MS4A13: variants seen among roughly 807,000 people sequenced by gnomAD.
The protein encoded by MS4A13 is membrane-spanning 4-domains subfamily A member 13.
MS4A13 carries 21 observed loss-of-function variants against 18.4 expected under a neutral mutation model. The ratio of observed to expected loss-of-function variants is 1.14; its 90% CI spans 0.81 to 1.64. The LOEUF is 1.64. Ranked by LOEUF, MS4A13 falls within the 40% of genes most tolerant of loss-of-function variation. The pLI is 0.00. For missense variants in MS4A13, 173 were observed against 176.8 expected, an observed-to-expected ratio of 0.98 and a Z score of 0.12; for synonymous variants, 62 against 57.2, an observed-to-expected ratio of 1.08 and a Z score of -0.38.
intron 5 of MS4A13, 26 bp downstream of exon 5, chr11:60,525,352 T>C (rs549485365): frequency 1.4e-6 from 2 of 1,460,984 alleles, no homozygotes; most frequent in African/African-American, 1.5e-5. Context: ...TATGGGAACA[T>C]ATTAATTTTA....
At chr11:60,538,674 T>C (rs2135271680) in intron 6 of MS4A13, among the ~76,000 whole-genome samples, 1 of 151,390 alleles carries the variant, frequency 6.6e-6, no homozygotes, top group Non-Finnish European at 1.5e-5. Flanking sequence ...ATCTATCCTA[T>C]GAGAGGCAGA....
intron 5 of MS4A13, among the ~76,000 whole-genome samples, chr11:60,528,912 A>C (rs901053044): frequency 2.0e-5 from 3 of 152,228 alleles, no homozygotes; most frequent in African/African-American, 7.2e-5. Flanking sequence ...TATATATGTG[A>C]GAGTTTTATC....
At chr11:60,538,023 G>C (rs1224827750) in intron 6 of MS4A13, among the ~76,000 whole-genome samples, 2 of 119,892 alleles carry the variant, frequency 1.7e-5, no homozygotes, top group Non-Finnish European at 3.3e-5. Context: ...TCTGGGGACT[G>C]TGGTGGGGTC....
intron 3 of MS4A13, among the ~76,000 whole-genome samples, chr11:60,520,839 C>T (rs936691969): frequency 1.1e-4 from 17 of 152,334 alleles, no homozygotes; most frequent in South Asian, 2.1e-4. Context: ...GTGGCAGCTC[C>T]GACCCCACAT....
chr11:60,519,061 G>C (rs1349687997), intron 3 of MS4A13, among the ~76,000 whole-genome samples: 1 of 152,122 alleles, frequency 6.6e-6, no homozygotes, highest in African/African-American at 2.4e-5. Flanking sequence ...AAATGGGGGT[G>C]GGTATTGGGA....
In MS4A13 at chr11:60,518,220, G is replaced by C. The variant is rs2086650751; in HGVS notation, c.129+8G>C. 1.2e-6 allele frequency: 2 copies of C among 1,600,824 alleles called. No homozygotes were observed. The highest frequency in any genetic ancestry group is 1.7e-6 in the Non-Finnish European group (2 of 1,172,408). ...ACTTTATGGGGAATTTTTGTGAGTA[G>C]AATACATATATATTGCTTTAATCAT... On this transcript the variant is annotated splice_region_variant and intron_variant, in intron 3 of 6. Transcript: ENST00000378186.
intron 6 of MS4A13, among the ~76,000 whole-genome samples, chr11:60,532,475 A>G (rs1351021083): frequency 2.6e-5 from 4 of 152,170 alleles, no homozygotes; most frequent in Admixed American, 2.6e-4. Flanking sequence ...GGCTCAAAAA[A>G]CGGCGCACCA....
chr11:60,531,360 T>G (rs1276207316), intron 6 of MS4A13, among the ~76,000 whole-genome samples: 5 of 152,200 alleles, frequency 3.3e-5, no homozygotes, highest in Non-Finnish European at 7.3e-5. Flanking sequence ...CAGTGGACCT[T>G]GATAACTTCC....
chr11:60,524,031 G>A (rs150439352), intron 4 of MS4A13, 78 bp downstream of exon 4: 16,463 of 867,892 alleles, frequency 0.019, 248 homozygotes, highest in Non-Finnish European at 0.023. Context: ...AAAATATAAC[G>A]TCTAAACAAT....
chr11:60,525,326 A>C lies in MS4A13; in HGVS notation c.306A>C (p.Ala102=), dbSNP rs144818161. ...NSVSYRNYGQ[A]KLGREVSRIL... is the part of the protein sequence containing the mutation. ...TGTCATACAGGAATTATGGACAAGC[A>C]GTAAGTGACCAATTCTATGGGAACA... The change falls in exon 5 of 7, where the codon GCA becomes GCC. Residue 102 remains alanine (A), a splice_region_variant and synonymous_variant. Transcript: ENST00000378186. 31 of 1,573,768 alleles carry C rather than the reference A, an allele frequency of 2.0e-5. No homozygotes were observed. Among genetic ancestry groups the C allele is most frequent in the Non-Finnish European group, 2.2e-5 (25 of 1,156,632 alleles).
intron 2 of MS4A13, among the ~76,000 whole-genome samples, chr11:60,516,408 G>A (rs1026097244): frequency 6.6e-6 from 1 of 152,194 alleles, no homozygotes; most frequent in Admixed American, 6.5e-5. Flanking sequence ...TTATAAACAT[G>A]TGAAGTTACA....
chr11:60,532,294 G>A (rs1325213246), intron 6 of MS4A13, among the ~76,000 whole-genome samples: 1 of 152,204 alleles, frequency 6.6e-6, no homozygotes, highest in Non-Finnish European at 1.5e-5. Context: ...CCAGACAGTG[G>A]GCGCAGGCCA....
At chr11:60,521,092 A>C (rs139492461) in intron 3 of MS4A13, among the ~76,000 whole-genome samples, 1 of 152,324 alleles carries the variant, frequency 6.6e-6, no homozygotes, top group Non-Finnish European at 1.5e-5. Flanking sequence ...GCCACAGATG[A>C]AGCAGCTGGG....
intron 6 of MS4A13, among the ~76,000 whole-genome samples, chr11:60,533,357 A>G (rs11230367): frequency 1.3e-4 from 16 of 121,142 alleles, no homozygotes; most frequent in Admixed American, 1.1e-3. Flanking sequence ...ACCAAGGCTC[A>G]AGAACTACGT....
chr11:60,524,271 A>G (rs2086697521), intron 4 of MS4A13, among the ~76,000 whole-genome samples: 2 of 152,212 alleles, frequency 1.3e-5, no homozygotes, highest in South Asian at 4.1e-4. Context: ...AGATATAGAC[A>G]TTATACTACT....
At chr11:60,519,008 T>C (rs2086656417) in intron 3 of MS4A13, among the ~76,000 whole-genome samples, 1 of 152,180 alleles carries the variant, frequency 6.6e-6, no homozygotes, top group African/African-American at 2.4e-5. Context: ...ATATCCTTTG[T>C]TGAGAGGACT....
At chr11:60,533,305 A>G (rs1263118756) in intron 6 of MS4A13, among the ~76,000 whole-genome samples, 1 of 103,522 alleles carries the variant, frequency 9.7e-6, no homozygotes, top group African/African-American at 3.6e-5. Context: ...AACTAGAATA[A>G]CCAATACAGA....
chr11:60,529,577 G>T, intron 6 of MS4A13, 117 bp downstream of exon 6: 1 of 459,540 alleles, frequency 2.2e-6, no homozygotes, highest in South Asian at 6.2e-5. Context: ...AATGGAATGT[G>T]TGATATTGCC....
chr11:60,541,872 G>A (rs187451471), intron 6 of MS4A13, among the ~76,000 whole-genome samples: 6 of 152,270 alleles, frequency 3.9e-5, no homozygotes, highest in Admixed American at 6.5e-5. Context: ...TCTGAAGCAG[G>A]AGGATCACTT....
Sources: gnomAD v4.1 joint callset for allele counts (sites outside exome capture counted in the v4.1 genomes callset) on GRCh38, gnomAD v4.1.1 for gene constraint, MANE v1.5 for transcripts, NCBI Gene and HGNC (gene_info 2026-07-23, HGNC 2026-07-21) for gene names.